The following PTPRM variants were observed in gnomAD, a reference collection of about 807,000 sequenced individuals.
The protein encoded by PTPRM is protein tyrosine phosphatase receptor type M, also known as receptor-type tyrosine-protein phosphatase mu.
PTPRM carries 47 observed loss-of-function variants against 186.7 expected under a neutral mutation model. The observed-to-expected ratio is 0.25, with a 90% CI of 0.20 to 0.32. PTPRM has a LOEUF of 0.32. Ranked by LOEUF, PTPRM falls within the 10% of genes least tolerant of loss-of-function variation. The pLI, the probability that PTPRM is intolerant of heterozygous loss-of-function variation, is 1.00. For synonymous variants in PTPRM, 668 were observed against 674.9 expected (o/e 0.99, Z 0.16); for missense variants, 1,494 against 1,865.0 (o/e 0.80, Z 3.66).
At chr18:7,634,076 C>G (rs918709283) in intron 1 of PTPRM, among the ~76,000 whole-genome samples, 1 of 152,148 alleles carries the variant, frequency 6.6e-6, no homozygotes, top group Non-Finnish European at 1.5e-5. Flanking sequence ...TTGTTCATCT[C>G]CTACAGCTTC....
At chr18:7,893,261 A>G (rs2049171866) in intron 3 of PTPRM, among the ~76,000 whole-genome samples, 1 of 152,154 alleles carries the variant, frequency 6.6e-6, no homozygotes, top group Admixed American at 6.5e-5. Flanking sequence ...TTACAAGTAC[A>G]TGGTCTTCTT....
intron 2 of PTPRM, among the ~76,000 whole-genome samples, chr18:7,828,994 T>C (rs1233859555): frequency 6.6e-6 from 1 of 152,220 alleles, no homozygotes; most frequent in African/African-American, 2.4e-5. Flanking sequence ...TCCAATAGTT[T>C]ACATTCAGTG....
chr18:7,934,176 T>A (rs944241189), intron 5 of PTPRM, among the ~76,000 whole-genome samples: 1 of 152,210 alleles, frequency 6.6e-6, no homozygotes, highest in Admixed American at 6.5e-5. Flanking sequence ...GTCATAGTAA[T>A]AGATGAATTA....
chr18:7,724,730 TAGTA>T (rs2040511990), intron 1 of PTPRM, among the ~76,000 whole-genome samples: 1 of 152,220 alleles, frequency 6.6e-6, no homozygotes, highest in African/African-American at 2.4e-5. Context: ...ATTAAGAAAG[TAGTA>T]TTAAAGATTT....
intron 7 of PTPRM, among the ~76,000 whole-genome samples, chr18:8,008,838 G>A (rs2084347008): frequency 6.6e-6 from 1 of 152,164 alleles, no homozygotes; most frequent in South Asian, 2.1e-4. Context: ...GCAGACACTA[G>A]GAATATGAAA....
At chr18:7,608,286 G>A (rs2037586058) in intron 1 of PTPRM, among the ~76,000 whole-genome samples, 1 of 152,188 alleles carries the variant, frequency 6.6e-6, no homozygotes, top group African/African-American at 2.4e-5. Flanking sequence ...GGGCCAGCAT[G>A]CTTCTGCACA....
intron 1 of PTPRM, among the ~76,000 whole-genome samples, chr18:7,586,014 ATTATC>A (rs2036969772): frequency 6.6e-6 from 1 of 152,158 alleles, no homozygotes; most frequent in African/African-American, 2.4e-5. Flanking sequence ...TTAATTATGT[ATTATC>A]TGATTTAATA....
chr18:7,938,319 A>G (rs2051956218), intron 5 of PTPRM, among the ~76,000 whole-genome samples: 1 of 152,314 alleles, frequency 6.6e-6, no homozygotes, highest in South Asian at 2.1e-4. Context: ...ATTTTAAGGC[A>G]TATTGACTAA....
At chr18:8,248,715 C>A (rs2094500018) in intron 17 of PTPRM, among the ~76,000 whole-genome samples, 1 of 152,034 alleles carries the variant, frequency 6.6e-6, no homozygotes, top group African/African-American at 2.4e-5. Flanking sequence ...GGGCACCCCA[C>A]CCCCCCACCA....
intron 5 of PTPRM, among the ~76,000 whole-genome samples, chr18:7,927,453 T>G (rs937319338): frequency 1.3e-5 from 2 of 149,588 alleles, no homozygotes; most frequent in African/African-American, 5.0e-5. Flanking sequence ...GTCCTTATCT[T>G]TCCGTGTTTT....
chr18:8,320,939 G>A (rs2095341932), intron 22 of PTPRM, among the ~76,000 whole-genome samples: 1 of 152,180 alleles, frequency 6.6e-6, no homozygotes, highest in Admixed American at 6.5e-5. Context: ...AGGTCTTCAG[G>A]AAGCAAGGCT....
intron 7 of PTPRM, among the ~76,000 whole-genome samples, chr18:8,047,716 A>T (rs2087162941): frequency 1.3e-5 from 2 of 152,012 alleles, no homozygotes; most frequent in African/African-American, 4.8e-5. Flanking sequence ...GTCAGAACCT[A>T]GAGGGAAGAG....
chr18:8,165,029 T>C (rs1250555283), intron 14 of PTPRM, among the ~76,000 whole-genome samples: 2 of 151,456 alleles, frequency 1.3e-5, no homozygotes, highest in Non-Finnish European at 2.9e-5. Flanking sequence ...ATTAGCTGAG[T>C]ACGGTGGCAC....
At chr18:8,381,767 CCGAAATTTCACTA>C (rs2095738000) in intron 29 of PTPRM, among the ~76,000 whole-genome samples, 1 of 152,108 alleles carries the variant, frequency 6.6e-6, no homozygotes, top group African/African-American at 2.4e-5. Flanking sequence ...AGTGGCACGG[CCGAAATTTCACTA>C]ATTCTAGAGT....
intron 14 of PTPRM, among the ~76,000 whole-genome samples, chr18:8,171,867 G>T (rs1049552396): frequency 6.6e-6 from 1 of 152,114 alleles, no homozygotes; most frequent in African/African-American, 2.4e-5. Flanking sequence ...AGAACACTTA[G>T]GTTAGCCTAA....
intron 2 of PTPRM, among the ~76,000 whole-genome samples, chr18:7,803,986 T>C (rs2044106597): frequency 6.6e-6 from 1 of 152,126 alleles, no homozygotes; most frequent in African/African-American, 2.4e-5. Context: ...AAGATATTGA[T>C]CAATATTTGG....
At chr18:7,940,804 AC>A (rs2052123044) in intron 5 of PTPRM, among the ~76,000 whole-genome samples, 1 of 151,858 alleles carries the variant, frequency 6.6e-6, no homozygotes, top group Admixed American at 6.6e-5. Context: ...ACCAAACCTG[AC>A]CTGAATGGAT....
At chr18:8,229,189 A>C (rs1436435641) in intron 14 of PTPRM, among the ~76,000 whole-genome samples, 2 of 152,160 alleles carry the variant, frequency 1.3e-5, no homozygotes, top group East Asian at 3.9e-4. Context: ...GTGAGCGCCT[A>C]CCACATGCCA....
At position 8,379,165 on chromosome 18, in the gene PTPRM, A is replaced by G; in HGVS notation, c.3613-2A>G. On this transcript the variant is annotated splice_acceptor_variant, in intron 27 of 32. Transcript: ENST00000580170. LOFTEE classifies it high-confidence loss of function. Reference sequence around the variant, plus strand: ...CTCATGTTCCTTTCTTTTCTCACGCAGACGCTAAACATGGTGACACCAACG... The same window carrying G: ...CTCATGTTCCTTTCTTTTCTCACGCGGACGCTAAACATGGTGACACCAACG... 1 of 1,587,252 alleles carries G rather than the reference A, an allele frequency of 6.3e-7. No homozygotes were observed. The highest frequency in any genetic ancestry group is 8.6e-7 in the Non-Finnish European group (1 of 1,165,058).
Sources: gnomAD v4.1 joint callset for allele counts (sites outside exome capture counted in the v4.1 genomes callset) on GRCh38, gnomAD v4.1.1 for gene constraint, MANE v1.5 for transcripts, NCBI Gene and HGNC (gene_info 2026-07-23, HGNC 2026-07-21) for gene names.